Variants in CEP120 observed in about 807,000 individuals in gnomAD.
The protein encoded by CEP120 is centrosomal protein 120.
A neutral mutation model predicts 126.5 loss-of-function variants in CEP120; 113 were observed. That is an observed-to-expected ratio of 0.89 (90% CI 0.77 to 1.04). The LOEUF (loss-of-function observed/expected upper bound fraction) is 1.04, where lower values mean the gene tolerates loss of function less well. Ranked by LOEUF, CEP120 falls within the 50% of genes least tolerant of loss-of-function variation. CEP120 has a pLI of 0.00. For synonymous variants in CEP120, 400 were observed against 394.3 expected (o/e 1.01, Z -0.17); for missense variants, 1,230 against 1,155.7 (o/e 1.06, Z -0.93).
rs28768390 is a variant in CEP120 at position 123,406,049 on chromosome 5, A to T, written c.463+6350T>A. ...AGAAATGCTAGAGACAAAAATACTA[A>T]AACAGAAATGAATGACTATGAGAAT... On this transcript the variant is annotated intron_variant, in intron 4 of 19. Coordinates refer to ENST00000306467, the MANE Select transcript of CEP120 (RefSeq NM_001375405.1). 2.5e-3 allele frequency among the ~76,000 whole-genome samples: 388 copies of T among 152,284 alleles called. 4 individuals carry two copies. Among genetic ancestry groups the T allele is most frequent in the African/African-American group, 8.8e-3 (366 of 41,556 alleles).
At chr5:123,398,117 A>T (rs1472269537) in intron 5 of CEP120, among the ~76,000 whole-genome samples, 1 of 152,174 alleles carries the variant, frequency 6.6e-6, no homozygotes, top group Non-Finnish European at 1.5e-5. Context: ...ATACTCTGAT[A>T]AAAATTGTAC....
chr5:123,415,500 T>C (rs984488485), intron 3 of CEP120, among the ~76,000 whole-genome samples: 12 of 152,204 alleles, frequency 7.9e-5, no homozygotes, highest in South Asian at 2.1e-4. Flanking sequence ...AGATGTCTTT[T>C]TGAGCAAGAC....
At chr5:123,411,842 C>A (rs1002275120) in intron 4 of CEP120, among the ~76,000 whole-genome samples, 2 of 152,062 alleles carry the variant, frequency 1.3e-5, no homozygotes, top group Admixed American at 1.3e-4. Flanking sequence ...AAACTATAGA[C>A]CTTGGGTGAC....
At chr5:123,401,841 A>G (rs967620364) in intron 4 of CEP120, 50 of 1,506,442 alleles carry the variant, frequency 3.3e-5, no homozygotes, top group Non-Finnish European at 4.0e-5. Flanking sequence ...CAGCCCCTAC[A>G]TGTTGCCAAG....
chr5:123,371,294 G>A (rs1485100971), intron 17 of CEP120, among the ~76,000 whole-genome samples: 3 of 152,088 alleles, frequency 2.0e-5, no homozygotes, highest in African/African-American at 4.8e-5. Context: ...CGTGGCTGGG[G>A]AAGCCTCACA....
intron 2 of CEP120, among the ~76,000 whole-genome samples, chr5:123,416,750 T>A (rs1774419025): frequency 1.3e-5 from 2 of 152,164 alleles, no homozygotes; most frequent in Admixed American, 1.3e-4. Flanking sequence ...TGTAAAACTT[T>A]CTGAAAGTAA....
At chr5:123,356,406 C>G (rs899554545) in intron 18 of CEP120, among the ~76,000 whole-genome samples, 1 of 152,050 alleles carries the variant, frequency 6.6e-6, no homozygotes, top group Non-Finnish European at 1.5e-5. Context: ...GCCATACTGC[C>G]CATCCTATGT....
At chr5:123,415,844 C>T (rs1774344612) in intron 3 of CEP120, among the ~76,000 whole-genome samples, 166 bp downstream of exon 3, 1 of 151,938 alleles carries the variant, frequency 6.6e-6, no homozygotes, top group Admixed American at 6.6e-5. Context: ...TGCACTCCAG[C>T]CTGGATAACA....
intron 16 of CEP120, among the ~76,000 whole-genome samples, chr5:123,377,076 T>A (rs1241323893): frequency 1.3e-5 from 2 of 152,138 alleles, no homozygotes; most frequent in Non-Finnish European, 2.9e-5. Context: ...GGATCTTAAC[T>A]AAATTTGGTC....
chr5:123,402,628 G>A (rs11958836), intron 4 of CEP120, among the ~76,000 whole-genome samples: 66,911 of 152,002 alleles, frequency 0.44, 14,671 homozygotes, highest in East Asian at 0.48. Flanking sequence ...GGCCAGGCCA[G>A]TCTCAAACTC....
rs1774841292 is a variant in CEP120, at chr5:123,423,244, C to T, written c.-246G>A. 5.7e-6 allele frequency: 3 copies of T among 528,706 alleles called. No individual in the cohort carries two copies. The Admixed American group carries it at 1.0e-4, about 18-fold the overall frequency. 32.8% of individuals were successfully genotyped at this position (528,706 alleles called of 1,614,324 possible). The stretch of plus-strand genomic sequence containing the variant: ...GGAAAAAGCCACGCTGCAGCCCTGC[C>T]AGTCTGCAAGCAGAGACAAGCCCGC... On this transcript the variant is annotated 5_prime_UTR_variant, in exon 1 of 20. Coordinates refer to ENST00000306467, the MANE Select transcript of CEP120 (RefSeq NM_001375405.1).
At chr5:123,383,667 TAG>T (rs1771820568) in intron 11 of CEP120, among the ~76,000 whole-genome samples, 1 of 152,138 alleles carries the variant, frequency 6.6e-6, no homozygotes, top group Admixed American at 6.6e-5. Context: ...AATATTTTAC[TAG>T]ACATAAGCAA....
In CEP120 at chr5:123,391,334, G is replaced by T; in HGVS notation, c.814C>A (p.His272Asn). 1 of 1,607,244 alleles carries T rather than the reference G, an allele frequency of 6.2e-7. No individual in the cohort carries two copies. Reference protein sequence around the residue: ...YLALQSKLQIHLCCGDQSLGS... With the variant: ...YLALQSKLQINLCCGDQSLGS... ...AGTGACTGGTCTCCACAGCAGAGGTGAATCTAATATGAAAGGGAAAAATCA... is the reference window on the plus strand; with the variant it reads ...AGTGACTGGTCTCCACAGCAGAGGTTAATCTAATATGAAAGGGAAAAATCA... Residue 272 changes from histidine (H) to asparagine (N), a missense_variant, in exon 7 of 20, where the codon CAC becomes AAC. Coordinates refer to ENST00000306467, the MANE Select transcript of CEP120 (RefSeq NM_001375405.1).
chr5:123,422,173 C>G (rs979071165), intron 1 of CEP120, among the ~76,000 whole-genome samples: 6 of 152,292 alleles, frequency 3.9e-5, no homozygotes, highest in African/African-American at 1.2e-4. Context: ...ACTTTAAGTG[C>G]TCCCTGCTCT....
In CEP120 at chr5:123,391,303, C is replaced by T. The variant is rs1772379604; in HGVS notation, c.845G>A (p.Ser282Asn). 1 of 1,614,096 alleles carries T rather than the reference C, an allele frequency of 6.2e-7. No homozygotes were observed. Among genetic ancestry groups the T allele is most frequent in the Non-Finnish European group, 8.5e-7 (1 of 1,179,964 alleles). The change falls in exon 7 of 20, where the codon AGT becomes AAT. Residue 282 changes from serine to asparagine, a missense_variant. By Grantham distance (46) the Ser-to-Asn change is conservative. Transcript: ENST00000306467. ...TAATCCAGTTAAAGGTATTTCTGTA[C>T]TTCCAAGTGACTGGTCTCCACAGCA... ...HLCCGDQSLG[S>N]TEIPLTGLLK...
At chr5:123,412,157 T>TA (rs1212390893) in intron 4 of CEP120, among the ~76,000 whole-genome samples, 1 of 152,236 alleles carries the variant, frequency 6.6e-6, no homozygotes, top group African/African-American at 2.4e-5. Flanking sequence ...GGCAAATTTT[T>TA]AAAACTATAC....
At chr5:123,370,184 T>C (rs1298034416) in intron 17 of CEP120, among the ~76,000 whole-genome samples, 1 of 152,028 alleles carries the variant, frequency 6.6e-6, no homozygotes, top group Admixed American at 6.6e-5. Flanking sequence ...CTAGGTTGCA[T>C]TATGGTAGCT....
intron 8 of CEP120, 102 bp downstream of exon 8, chr5:123,389,822 C>A (rs924296660): frequency 9.3e-7 from 1 of 1,075,872 alleles, no homozygotes; most frequent in Non-Finnish European, 1.4e-6. Context: ...AACAAACCCA[C>A]AATTTTTACT....
intron 6 of CEP120, among the ~76,000 whole-genome samples, chr5:123,393,006 C>G (rs904999511): frequency 5.3e-5 from 8 of 152,170 alleles, no homozygotes; most frequent in Non-Finnish European, 8.8e-5. Context: ...CTCGTGCCTG[C>G]TGCCCTAGGC....
Sources: allele counts gnomAD v4.1 joint callset (sites outside exome capture counted in the v4.1 genomes callset), GRCh38; gene constraint gnomAD v4.1.1; transcripts MANE v1.5; gene names NCBI Gene and HGNC (gene_info 2026-07-23, HGNC 2026-07-21).